C8A: variants seen among roughly 807,000 people sequenced by gnomAD.
The protein encoded by C8A is complement component C8 alpha chain.
C8A carries 67 observed loss-of-function variants against 65.3 expected under a neutral mutation model. That is an observed-to-expected ratio of 1.03 (90% CI 0.84 to 1.26). The LOEUF (loss-of-function observed/expected upper bound fraction) is 1.26, where lower values mean the gene tolerates loss of function less well. C8A is among the 50% of genes most tolerant of loss of function. The probability of loss-of-function intolerance (pLI) is 0.00; values close to 1 mark genes in which losing one functional copy is unlikely to be tolerated. For missense variants in C8A, 781 were observed against 723.9 expected, an observed-to-expected ratio of 1.08 and a Z score of -0.90; for synonymous variants, 290 against 259.4, an observed-to-expected ratio of 1.12 and a Z score of -1.13.
chr1:56,881,514 G>A lies in C8A; in HGVS notation c.534G>A (p.Glu178=), dbSNP rs377066181. 4.3e-6 allele frequency: 7 copies of A among 1,613,810 alleles called. No individual in the cohort carries two copies. The African/African-American group carries it at 8.0e-5, about 18-fold the overall frequency. Residue 178 remains glutamate, a synonymous_variant, in exon 5 of 11, where the codon GAG becomes GAA. Coordinates refer to ENST00000361249, the MANE Select transcript of C8A (RefSeq NM_000562.3). ...YDASYYGGQC[E]TVYNGEWREL... is the part of the protein sequence containing the mutation. ...CCAGTTATTATGGGGGCCAGTGTGA[G>A]ACGGTATACAATGGGGAATGGAGGG...
At chr1:56,873,663 C>T (rs1407663650) in intron 2 of C8A, among the ~76,000 whole-genome samples, 1 of 152,186 alleles carries the variant, frequency 6.6e-6, no homozygotes, top group Non-Finnish European at 1.5e-5. Flanking sequence ...TCTTGCTGCT[C>T]AAATCATTGC....
chr1:56,892,470 T>C (rs1489120529), intron 7 of C8A, among the ~76,000 whole-genome samples: 1 of 152,062 alleles, frequency 6.6e-6, no homozygotes, highest in Non-Finnish European at 1.5e-5. Context: ...GGGTTCTTTC[T>C]TTTTCATTTC....
intron 1 of C8A, among the ~76,000 whole-genome samples, chr1:56,860,052 G>A (rs149340410): frequency 9.7e-4 from 148 of 152,284 alleles, no homozygotes; most frequent in African/African-American, 3.5e-3. Flanking sequence ...AGCAGAGCAA[G>A]ACTCTATCTC....
intron 4 of C8A, among the ~76,000 whole-genome samples, chr1:56,879,443 G>A (rs1202282040): frequency 6.6e-6 from 1 of 152,150 alleles, no homozygotes; most frequent in Non-Finnish European, 1.5e-5. Flanking sequence ...TTTATGCTTA[G>A]AGGTTATATT....
Position 56,854,894 on chromosome 1 carries a change from T to G in C8A, c.-8T>G. 1.2e-6 allele frequency: 2 copies of G among 1,612,856 alleles called. No individual in the cohort carries two copies. Among genetic ancestry groups the G allele is most frequent in the Non-Finnish European group, 1.7e-6 (2 of 1,179,354 alleles). The stretch of plus-strand genomic sequence containing the variant: ...CAAGGTAATATAGTGCGGTGGCTTC[T>G]GGCTGAGATGTTTGCTGTTGTTTTC... On this transcript the variant is annotated 5_prime_UTR_variant, in exon 1 of 11. Coordinates refer to ENST00000361249, the MANE Select transcript of C8A (RefSeq NM_000562.3).
At chr1:56,881,923 T>C (rs1382354794) in intron 5 of C8A, among the ~76,000 whole-genome samples, 1 of 152,082 alleles carries the variant, frequency 6.6e-6, no homozygotes, top group Non-Finnish European at 1.5e-5. Context: ...TATTTCTAAG[T>C]TGTGGCTCTG....
chr1:56,882,903 TC>T (rs1405109905), intron 5 of C8A, among the ~76,000 whole-genome samples: 1 of 152,126 alleles, frequency 6.6e-6, no homozygotes, highest in African/African-American at 2.4e-5. Flanking sequence ...TAATGGAGGC[TC>T]CATTTCAACA....
intron 10 of C8A, among the ~76,000 whole-genome samples, chr1:56,914,898 G>A (rs779184769): frequency 2.6e-5 from 4 of 152,056 alleles, no homozygotes; most frequent in Non-Finnish European, 5.9e-5. Context: ...GGCTGGTCTC[G>A]AACTCCTAGT....
intron 4 of C8A, among the ~76,000 whole-genome samples, chr1:56,878,803 T>C (rs1273072860): frequency 6.6e-6 from 1 of 152,194 alleles, no homozygotes; most frequent in Non-Finnish European, 1.5e-5. Flanking sequence ...GTGGAGATAC[T>C]TCCAGATTAT....
intron 7 of C8A, among the ~76,000 whole-genome samples, chr1:56,901,220 G>A (rs1052139100): frequency 6.6e-6 from 1 of 152,176 alleles, no homozygotes; most frequent in Non-Finnish European, 1.5e-5. Flanking sequence ...TTCTGAGGCT[G>A]TCTTTGGGGG....
At chr1:56,906,854 G>A (rs1644470518) in intron 8 of C8A, 62 bp downstream of exon 8, 15 of 1,601,944 alleles carry the variant, frequency 9.4e-6, no homozygotes, top group Non-Finnish European at 1.0e-5. Context: ...GACACACACT[G>A]GGACATGGAA....
chr1:56,902,314 T>C (rs767595719), intron 7 of C8A, among the ~76,000 whole-genome samples: 12 of 152,220 alleles, frequency 7.9e-5, no homozygotes, highest in Non-Finnish European at 1.5e-4. Context: ...ACCTTATTCT[T>C]CTTCCTCAAG....
chr1:56,892,915 A>G (rs182043116), intron 7 of C8A, among the ~76,000 whole-genome samples: 10 of 152,232 alleles, frequency 6.6e-5, no homozygotes, highest in Admixed American at 1.3e-4. Flanking sequence ...CATAGAATAG[A>G]AAGTTAAACT....
At position 56,917,552 on chromosome 1, in the gene C8A, AT is replaced by A; in HGVS notation, c.1604-10del. 5 of 1,614,066 alleles carry A rather than the reference AT, an allele frequency of 3.1e-6. No individual in the cohort carries two copies. The highest frequency in any genetic ancestry group is 4.2e-6 in the Non-Finnish European group (5 of 1,179,990). Reference sequence around the variant, plus strand: ...ATGCTAACCTTCTCCTCCCTGGGAAATTTCCTCTGCAGGAGCCAAAGCAGAT... The same window carrying A: ...ATGCTAACCTTCTCCTCCCTGGGAAATTCCTCTGCAGGAGCCAAAGCAGAT... On this transcript the variant is annotated splice_polypyrimidine_tract_variant and intron_variant, in intron 10 of 10. Coordinates refer to ENST00000361249, the MANE Select transcript of C8A (RefSeq NM_000562.3).
In C8A at chr1:56,881,453, T is replaced by A; in HGVS notation, c.473T>A (p.Ile158Asn). The change falls in exon 5 of 11, where the codon ATC becomes AAC. Residue 158 changes from isoleucine to asparagine, a missense_variant. Coordinates refer to ENST00000361249, the MANE Select transcript of C8A (RefSeq NM_000562.3). ...TGCTTTGTTCCATGTAGGTACAATA[T>A]CCTGACCCAGGAAGATGCTCAGAGT... ...GSQKAALGYN[I>N]LTQEDAQSVY... is the part of the protein sequence containing the mutation. 6.2e-7 allele frequency: 1 copy of A among 1,613,630 alleles called. No homozygotes were observed. Among genetic ancestry groups the A allele is most frequent in the South Asian group, 1.1e-5 (1 of 91,080 alleles).
At chr1:56,858,955 C>T (rs1644003784) in intron 1 of C8A, among the ~76,000 whole-genome samples, 1 of 152,176 alleles carries the variant, frequency 6.6e-6, no homozygotes, top group Non-Finnish European at 1.5e-5. Flanking sequence ...ATACATATTT[C>T]TTAGAGTTCT....
intron 1 of C8A, among the ~76,000 whole-genome samples, chr1:56,864,008 T>C (rs930303421): frequency 6.6e-6 from 1 of 152,172 alleles, no homozygotes; most frequent in Non-Finnish European, 1.5e-5. Context: ...TGCTGGGAAC[T>C]CTGTAGCAAA....
chr1:56,881,448 C>T lies in C8A; in HGVS notation c.468C>T (p.Tyr156=), dbSNP rs1246596970. ...GAAGCTGCTTTGTTCCATGTAGGTA[C>T]AATATCCTGACCCAGGAAGATGCTC... is the stretch of plus-strand genomic sequence containing the variant. ...IPGSQKAALG[Y]NILTQEDAQS... The change falls in exon 5 of 11, where the codon TAC becomes TAT. Residue 156 remains tyrosine, a synonymous_variant. Transcript: ENST00000361249. 6.2e-7 allele frequency: 1 copy of T among 1,613,560 alleles called. No individual in the cohort carries two copies. The highest frequency in any genetic ancestry group is 1.7e-5 in the Admixed American group (1 of 59,958).
rs115850561 is a variant in C8A at position 56,856,037 on chromosome 1, G to T, written c.77+1059G>T. ...TATCATTGTAATCCTTTTTGAAAAT[G>T]AACAAAGAGTCTTGATGTTTGATGA... is the stretch of plus-strand genomic sequence containing the variant. On this transcript the variant is annotated intron_variant, in intron 1 of 10. Coordinates refer to ENST00000361249, the MANE Select transcript of C8A (RefSeq NM_000562.3). Among the ~76,000 whole-genome samples the T allele has an allele frequency of 8.7e-3, 1,327 of 152,104 alleles. 49 individuals are homozygous for T. In the South Asian group the frequency reaches 0.12, roughly 13 times the overall value.
Sources: allele counts gnomAD v4.1 joint callset (sites outside exome capture counted in the v4.1 genomes callset), GRCh38; gene constraint gnomAD v4.1.1; transcripts MANE v1.5; gene names NCBI Gene and HGNC (gene_info 2026-07-23, HGNC 2026-07-21).